Variants in BNC2 observed in about 807,000 individuals in gnomAD.
The protein encoded by BNC2 is zinc finger protein basonuclin-2.
A neutral mutation model predicts 76.3 loss-of-function variants in BNC2; 20 were observed. The ratio of observed to expected loss-of-function variants is 0.26; its 90% CI spans 0.18 to 0.38. The LOEUF is 0.38. Ranked by LOEUF, BNC2 falls within the 10% of genes least tolerant of loss-of-function variation. The pLI, the probability that BNC2 is intolerant of heterozygous loss-of-function variation, is 1.00. For synonymous variants in BNC2, 582 were observed against 514.8 expected (o/e 1.13, Z -1.77); for missense variants, 1,382 against 1,399.8 (o/e 0.99, Z 0.20).
intron 2 of BNC2, among the ~76,000 whole-genome samples, chr9:16,733,941 G>A (rs1420100870): frequency 6.6e-6 from 1 of 151,612 alleles, no homozygotes; most frequent in African/African-American, 2.4e-5. Context: ...CTCTCCCACT[G>A]GCTCCTAATT....
chr9:16,664,070 C>T (rs947070868), intron 3 of BNC2, among the ~76,000 whole-genome samples: 17 of 152,108 alleles, frequency 1.1e-4, no homozygotes, highest in African/African-American at 3.9e-4. Flanking sequence ...CACCTTTATC[C>T]TGCTTCTCGA....
chr9:16,586,888 C>T (rs1044124966), intron 3 of BNC2, among the ~76,000 whole-genome samples: 1 of 152,106 alleles, frequency 6.6e-6, no homozygotes, highest in African/African-American at 2.4e-5. Flanking sequence ...AGGACTATCT[C>T]CTATGCATTA....
chr9:16,720,028 T>C (rs1043017917), intron 3 of BNC2, among the ~76,000 whole-genome samples: 2 of 152,232 alleles, frequency 1.3e-5, no homozygotes, highest in African/African-American at 4.8e-5. Flanking sequence ...TACTTTCTTA[T>C]ACAGGCTAAG....
In BNC2 at chr9:16,784,974, C is replaced by T. The variant is rs150357750; in HGVS notation, c.4-46489G>A. ...CATTCAAGTTTTTAAGCCCGTGAGA[C>T]CCAGAGAATGGACACTTACAGAGGC... is the stretch of plus-strand genomic sequence containing the variant. On this transcript the variant is annotated intron_variant, in intron 1 of 6. Transcript: ENST00000380672. 3.6e-3 allele frequency among the ~76,000 whole-genome samples: 542 copies of T among 152,232 alleles called. 3 individuals carry two copies. Among genetic ancestry groups the T allele is most frequent in the Middle Eastern group, 0.02 (6 of 294 alleles).
chr9:16,518,097 G>A (rs1404717649), intron 5 of BNC2, among the ~76,000 whole-genome samples: 1 of 152,176 alleles, frequency 6.6e-6, no homozygotes, highest in Admixed American at 6.5e-5. Context: ...CTTCGGTGTA[G>A]CTTGAATTAT....
At chr9:16,741,474 T>C (rs1007104571) in intron 1 of BNC2, among the ~76,000 whole-genome samples, 1 of 150,848 alleles carries the variant, frequency 6.6e-6, no homozygotes, top group Non-Finnish European at 1.5e-5. Context: ...AATGAAACTC[T>C]GAATCAGTAA....
chr9:16,657,164 GA>G (rs1490725669), intron 3 of BNC2, among the ~76,000 whole-genome samples: 1 of 152,110 alleles, frequency 6.6e-6, no homozygotes, highest in Non-Finnish European at 1.5e-5. Context: ...CAAATCTGCA[GA>G]AATTTAAAAT....
chr9:16,424,892 G>A (rs1050719582), intron 6 of BNC2, among the ~76,000 whole-genome samples: 11 of 152,050 alleles, frequency 7.2e-5, no homozygotes, highest in Admixed American at 3.9e-4. Flanking sequence ...ATTTATTAAC[G>A]ATAGGATGCT....
At chr9:16,603,749 C>A (rs1436529775) in intron 3 of BNC2, among the ~76,000 whole-genome samples, 1 of 152,114 alleles carries the variant, frequency 6.6e-6, no homozygotes, top group Non-Finnish European at 1.5e-5. Flanking sequence ...CATCCCAAAC[C>A]TGCTGTTAGT....
At chr9:16,735,465 G>T (rs1287330706) in intron 2 of BNC2, among the ~76,000 whole-genome samples, 2 of 151,096 alleles carry the variant, frequency 1.3e-5, no homozygotes, top group Non-Finnish European at 2.9e-5. Flanking sequence ...CATGAAAGTT[G>T]CAAGAATTAT....
rs537269117 is a variant in BNC2 at position 16,432,553 on chromosome 9, G to A, written c.2639+3002C>T. ...TCCAAGGTGTTCGAATCATGAAGAA[G>A]TCTGCTTTCGTAAACAGAAGGAAGA... On this transcript the variant is annotated intron_variant, in intron 6 of 6. Transcript: ENST00000380672. 1.1e-3 allele frequency among the ~76,000 whole-genome samples: 172 copies of A among 152,314 alleles called. 1 individual carries two copies. The highest frequency in any genetic ancestry group is 4.0e-3 in the African/African-American group (165 of 41,554).
chr9:16,680,588 C>A (rs1041753013), intron 3 of BNC2, among the ~76,000 whole-genome samples: 4 of 147,902 alleles, frequency 2.7e-5, no homozygotes, highest in Admixed American at 6.7e-5. Flanking sequence ...AAAAAAAAAA[C>A]GTTGATCTTA....
chr9:16,665,492 G>GAAAGAAAGAA (rs1563888096), intron 3 of BNC2, among the ~76,000 whole-genome samples: 4 of 127,988 alleles, frequency 3.1e-5, no homozygotes, highest in African/African-American at 9.3e-5. Flanking sequence ...GAAAGAAAGA[G>GAAAGAAAGAA]AGAGAGAGAA....
chr9:16,621,881 T>C (rs1820877046), intron 3 of BNC2, among the ~76,000 whole-genome samples: 1 of 152,224 alleles, frequency 6.6e-6, no homozygotes, highest in Admixed American at 6.5e-5. Context: ...ATGGAAATCA[T>C]AATTTTTGAT....
chr9:16,685,888 C>A (rs1057383003), intron 3 of BNC2, among the ~76,000 whole-genome samples: 1 of 152,106 alleles, frequency 6.6e-6, no homozygotes, highest in Non-Finnish European at 1.5e-5. Context: ...CAGCAGGTAG[C>A]ACACAGTAGG....
Position 16,409,581 on chromosome 9 carries a change from T to C in BNC2, c.*9408A>G, listed in dbSNP as rs1217864037. On this transcript the variant is annotated 3_prime_UTR_variant, in exon 7 of 7. Transcript: ENST00000380672. ...TTACAAGAGGTATTTGGACAAAATA[T>C]GAATAAAATTCCATTTACATCCCCA... The C allele has an allele frequency of 6.5e-6, 1 of 152,672 alleles. No individual in the cohort carries two copies. Among genetic ancestry groups the C allele is most frequent in the East Asian group, 1.9e-4 (1 of 5,200 alleles). The allele number at this position is 152,672 out of a possible 1,614,324, so 9.5% of individuals were successfully genotyped here.
Position 16,418,698 on chromosome 9 carries a change from A to C in BNC2, c.*291T>G, listed in dbSNP as rs993695041. On this transcript the variant is annotated 3_prime_UTR_variant, in exon 7 of 7. Coordinates refer to ENST00000380672, the MANE Select transcript of BNC2 (RefSeq NM_017637.6). ...TGTGTGTGTGTGTGTGTGTATGTGC[A>C]TGTGTGTGTGTGTGTGTTTAAAGGG... 2 of 300,256 alleles carry C rather than the reference A, an allele frequency of 6.7e-6. No homozygotes were observed. The allele number at this position is 300,256 out of a possible 1,614,324, so 18.6% of individuals were successfully genotyped here. A position where few individuals can be genotyped will look rare whatever the true frequency, so the allele number is the denominator to read the frequency against.
intron 5 of BNC2, among the ~76,000 whole-genome samples, chr9:16,468,098 T>C (rs970280042): frequency 9.4e-5 from 14 of 148,350 alleles, no homozygotes; most frequent in Non-Finnish European, 1.0e-4. Context: ...TGGAGTGCAG[T>C]GGCACCAACA....
In BNC2 at chr9:16,416,340, T is replaced by C. The variant is rs1385702262; in HGVS notation, c.*2649A>G. The C allele has an allele frequency of 6.6e-6, 1 of 152,630 alleles. No individual in the cohort carries two copies. Among genetic ancestry groups the C allele is most frequent in the Non-Finnish European group, 1.5e-5 (1 of 68,036 alleles). The allele number at this position is 152,630 out of a possible 1,614,324, so 9.5% of individuals were successfully genotyped here. A position where few individuals can be genotyped will look rare whatever the true frequency, so the allele number is the denominator to read the frequency against. ...ATATTAAAAATCTTTTCCCACCCTTTTTGAATCTAACCATTTGGTAATGGG... is the reference window on the plus strand; with the variant it reads ...ATATTAAAAATCTTTTCCCACCCTTCTTGAATCTAACCATTTGGTAATGGG... On this transcript the variant is annotated 3_prime_UTR_variant, in exon 7 of 7. Coordinates refer to ENST00000380672, the MANE Select transcript of BNC2 (RefSeq NM_017637.6).
Sources: allele counts gnomAD v4.1 joint callset (sites outside exome capture counted in the v4.1 genomes callset), GRCh38; gene constraint gnomAD v4.1.1; transcripts MANE v1.5; gene names NCBI Gene and HGNC (gene_info 2026-07-23, HGNC 2026-07-21).